The following GPBP1 variants were observed in gnomAD, a reference collection of about 807,000 sequenced individuals.
The protein encoded by GPBP1 is vasculin.
A neutral mutation model predicts 56.5 loss-of-function variants in GPBP1; 13 were observed. The ratio of observed to expected loss-of-function variants is 0.23; its 90% confidence interval spans 0.15 to 0.37. The LOEUF (loss-of-function observed/expected upper bound fraction) is 0.37. GPBP1 is among the 10% of genes least tolerant of loss of function. The probability of loss-of-function intolerance (pLI) is 1.00; values close to 1 mark genes in which losing one functional copy is unlikely to be tolerated. For missense variants in GPBP1, 477 were observed against 572.3 expected, an observed-to-expected ratio of 0.83 and a Z score of 1.70; for synonymous variants, 204 against 188.9, an observed-to-expected ratio of 1.08 and a Z score of -0.66.
intron 3 of GPBP1, among the ~76,000 whole-genome samples, chr5:57,228,179 G>A (rs1756278385): frequency 6.6e-6 from 1 of 152,134 alleles, no homozygotes; most frequent in Non-Finnish European, 1.5e-5. Context: ...AAAGCTAGCT[G>A]GGCGTGGTGG....
At chr5:57,228,448 C>G (rs1756291389) in intron 3 of GPBP1, among the ~76,000 whole-genome samples, 1 of 143,642 alleles carries the variant, frequency 7.0e-6, no homozygotes, top group Non-Finnish European at 1.6e-5. Context: ...GAGCGAGACT[C>G]TGTCTCAAAA....
chr5:57,208,149 G>A (rs1261147779), intron 2 of GPBP1, among the ~76,000 whole-genome samples: 1 of 152,106 alleles, frequency 6.6e-6, no homozygotes, highest in African/African-American at 2.4e-5. Flanking sequence ...GCGCTTGCCT[G>A]CACACTTCTG....
rs1219703204 is a variant in GPBP1 at position 57,254,702 on chromosome 5, A to AG, written c.1160+3561_1160+3562insG. ...AGAGTGAGACTGTCTCAAAAAAAAA[A>AG]AAAAAAAGAGTAAGTTTTGTATTTG... On this transcript the variant is annotated intron_variant, in intron 10 of 11. Coordinates refer to ENST00000506184, the MANE Select transcript of GPBP1 (RefSeq NM_022913.4). Among the ~76,000 whole-genome samples, 3 of 152,258 alleles carry AG rather than the reference A, an allele frequency of 2.0e-5. No individual in the cohort carries two copies. The South Asian group carries it at 6.2e-4, about 32-fold the overall frequency.
rs1219005174 is a variant in GPBP1 at position 57,231,208 on chromosome 5, A to G, written c.298A>G (p.Ser100Gly). The change falls in exon 5 of 12, where the codon AGT (serine) becomes GGT (glycine). Residue 100 changes from serine (S) to glycine (G), a missense_variant. By Grantham distance (56) the Ser-to-Gly change is moderately conservative (BLOSUM62 0). Around this residue, in one of 2 missense-constraint regions of GPBP1, gnomAD observed 414 missense variants for 458.2 expected, o/e 0.90. Transcript: ENST00000506184. The stretch of plus-strand genomic sequence containing the variant: ...TGGTGGAAGTTCCCGTTCTCGTAGC[A>G]GTATTTTCCATGCAGGAAAAAGCCA... Reference protein sequence around the residue: ...YHGGSSRSRSSIFHAGKSQGL... With the variant: ...YHGGSSRSRSGIFHAGKSQGL... 3 of 1,614,164 alleles carry G rather than the reference A, an allele frequency of 1.9e-6. No individual in the cohort carries two copies. Among genetic ancestry groups the G allele is most frequent in the Admixed American group, 1.7e-5 (1 of 60,018 alleles).
At chr5:57,211,717 G>T (rs1435434949) in intron 2 of GPBP1, among the ~76,000 whole-genome samples, 3 of 151,782 alleles carry the variant, frequency 2.0e-5, no homozygotes, top group Non-Finnish European at 4.4e-5. Flanking sequence ...CTGAGTAGCT[G>T]GGATTACAGG....
chr5:57,247,022 TTCTCCTG>T, intron 7 of GPBP1, 46 bp from the exon 8 acceptor site: 1 of 1,540,358 alleles, frequency 6.5e-7, no homozygotes, highest in African/African-American at 1.4e-5. Context: ...GTTTTTGTCT[TTCTCCTG>T]TAACCTGTTT....
At chr5:57,207,538 C>T (rs1410185946) in intron 2 of GPBP1, among the ~76,000 whole-genome samples, 2 of 152,184 alleles carry the variant, frequency 1.3e-5, no homozygotes, top group African/African-American at 4.8e-5. Flanking sequence ...GCATGTGTTA[C>T]AGGGTGCCCT....
rs551013729 is a variant in GPBP1 at position 57,264,234 on chromosome 5, A to G, written c.*1482A>G. 1 of 152,288 alleles carries G rather than the reference A, an allele frequency of 6.6e-6. No individual in the cohort carries two copies. The highest frequency in any genetic ancestry group is 2.1e-4 in the South Asian group (1 of 4,830). The allele number at this position is 152,288 out of a possible 1,614,324, so 9.4% of individuals were successfully genotyped here. On this transcript the variant is annotated 3_prime_UTR_variant, in exon 12 of 12. Transcript: ENST00000506184. ...GGTAATAAAATATTAAATAGACCTT[A>G]TACTTAAAATAAGGTTTCACTATAT...
intron 6 of GPBP1, among the ~76,000 whole-genome samples, chr5:57,242,467 A>C (rs1306859285): frequency 1.3e-5 from 2 of 152,194 alleles, no homozygotes; most frequent in Non-Finnish European, 2.9e-5. Flanking sequence ...ACAAAAGTAC[A>C]CATTCTTCTG....
intron 3 of GPBP1, among the ~76,000 whole-genome samples, chr5:57,227,728 G>A (rs982960061): frequency 6.6e-6 from 1 of 152,210 alleles, no homozygotes; most frequent in African/African-American, 2.4e-5. Flanking sequence ...CGCTTATGCT[G>A]CTTGCTGTAC....
At chr5:57,216,216 A>G (rs6864611) in intron 3 of GPBP1, among the ~76,000 whole-genome samples, 4,550 of 152,240 alleles carry the variant, frequency 0.03, 151 homozygotes, top group East Asian at 0.13. Flanking sequence ...TTCAGTTGGA[A>G]TTGGAGAGGG....
intron 3 of GPBP1, among the ~76,000 whole-genome samples, chr5:57,224,298 A>G (rs1210758521): frequency 6.7e-6 from 1 of 149,566 alleles, no homozygotes; most frequent in African/African-American, 2.5e-5. Context: ...GCTGGAGTGC[A>G]GTGGCACAAT....
chr5:57,189,938 T>C (rs1437693570), intron 2 of GPBP1, among the ~76,000 whole-genome samples: 1 of 152,232 alleles, frequency 6.6e-6, no homozygotes, highest in Non-Finnish European at 1.5e-5. Context: ...TCTAACCATT[T>C]TGTGTAAAGT....
At chr5:57,258,561 G>A (rs989223383) in intron 10 of GPBP1, among the ~76,000 whole-genome samples, 1 of 152,218 alleles carries the variant, frequency 6.6e-6, no homozygotes, top group Non-Finnish European at 1.5e-5. Flanking sequence ...TGCATCATAT[G>A]TGCGGTTGTC....
chr5:57,174,742 G>C (rs1753722235), intron 1 of GPBP1, among the ~76,000 whole-genome samples: 3 of 152,164 alleles, frequency 2.0e-5, no homozygotes, highest in Admixed American at 2.0e-4. Flanking sequence ...GGGGACATGT[G>C]CATTTTTGAG....
intron 2 of GPBP1, among the ~76,000 whole-genome samples, chr5:57,202,509 G>A (rs752434063): frequency 2.6e-4 from 40 of 151,970 alleles, no homozygotes; most frequent in Non-Finnish European, 5.7e-4. Context: ...GGCTGGTCTC[G>A]AACTCCTGAC....
chr5:57,215,101 AC>A (rs1755648367), intron 3 of GPBP1, among the ~76,000 whole-genome samples: 1 of 152,214 alleles, frequency 6.6e-6, no homozygotes, highest in Non-Finnish European at 1.5e-5. Flanking sequence ...AGAGCATCTT[AC>A]CTTTTTCTAT....
intron 5 of GPBP1, among the ~76,000 whole-genome samples, chr5:57,233,353 G>A (rs552238882): frequency 1.3e-5 from 2 of 152,106 alleles, no homozygotes; most frequent in South Asian, 2.1e-4. Flanking sequence ...TCTCATGTTA[G>A]TGATCTGTTT....
At chr5:57,250,719 A>G (rs985612558) in intron 9 of GPBP1, among the ~76,000 whole-genome samples, 1 of 151,678 alleles carries the variant, frequency 6.6e-6, no homozygotes, top group African/African-American at 2.4e-5. Context: ...ATTTTTTTGT[A>G]TTTTTAGTAG....
Sources: allele counts gnomAD v4.1 joint callset (sites outside exome capture counted in the v4.1 genomes callset), GRCh38; gene constraint gnomAD v4.1.1; regional missense constraint gnomAD v4.1.1; transcripts MANE v1.5; gene names NCBI Gene and HGNC (gene_info 2026-07-23, HGNC 2026-07-21).